Variants in CPM observed in about 807,000 individuals in gnomAD.
CPM encodes the protein renal carboxypeptidase.
In CPM, 35 loss-of-function variants were observed where a neutral mutation model predicts 46.4. The observed-to-expected ratio is 0.75, with a 90% confidence interval of 0.58 to 1.00. The LOEUF is 1.00. Among genes scored for constraint, CPM ranks in the 50% least tolerant of loss-of-function variants. CPM has a pLI of 0.00. For missense variants in CPM, 422 were observed against 530.4 expected (o/e 0.80, Z 2.01); for synonymous variants, 195 against 195.3 (o/e 1.00, Z 0.01).
At chr12:68,935,349 C>T (rs138226317), upstream of CPM, among the ~76,000 whole-genome samples, 198 of 152,288 alleles carry the variant, frequency 1.3e-3, 3 homozygotes, top group East Asian at 0.036. Context: ...CAGCCTCTGC[C>T]TTCCAGGTTC....
chr12:68,857,354 G>A (rs1885023769), intron 8 of CPM, among the ~76,000 whole-genome samples: 1 of 151,748 alleles, frequency 6.6e-6, no homozygotes, highest in South Asian at 2.1e-4. Flanking sequence ...TAGAGACAGG[G>A]TTTCACCACA....
downstream of CPM, chr12:68,849,945 A>G (rs1238086517): frequency 6.6e-6 from 1 of 152,206 alleles, no homozygotes; most frequent in African/African-American, 2.4e-5. Context: ...CCACTCCAAG[A>G]GAGCAGAGAA....
intron 1 of CPM, among the ~76,000 whole-genome samples, chr12:68,954,005 A>G (rs1888975341): frequency 6.6e-6 from 1 of 152,158 alleles, no homozygotes; most frequent in Admixed American, 6.5e-5. Context: ...TATTTTTGTT[A>G]GGCTTTTTTT....
rs1240236516 is a variant in CPM at position 68,878,889 on chromosome 12, A to T, written c.258+6903T>A. Among the ~76,000 whole-genome samples, 6 of 152,352 alleles carry T rather than the reference A, an allele frequency of 3.9e-5. No homozygotes were observed. In the East Asian group the frequency reaches 9.7e-4, roughly 25 times the overall value. On this transcript the variant is annotated intron_variant, in intron 3 of 8. Transcript: ENST00000551568. ...TTCCTACCCCCCATCTCCCCAAAAA[A>T]GCAGAATTGCAATTTAGGCTGGGCG...
At chr12:68,870,157 A>G in intron 5 of CPM, 58 bp downstream of exon 5, 1 of 1,530,688 alleles carries the variant, frequency 6.5e-7, no homozygotes, top group East Asian at 2.3e-5. Flanking sequence ...CCAGAGGCAG[A>G]GAGTTTTCAG....
At chr12:68,914,877 A>G (rs1284810135) in intron 2 of CPM, among the ~76,000 whole-genome samples, 2 of 152,156 alleles carry the variant, frequency 1.3e-5, no homozygotes, top group Non-Finnish European at 2.9e-5. Context: ...AAGTAGTCTC[A>G]GGCAAGTCAC....
downstream of CPM, chr12:68,848,646 A>G (rs572537614): frequency 6.6e-6 from 1 of 152,314 alleles, no homozygotes; most frequent in African/African-American, 2.4e-5. Flanking sequence ...GGCCTTTTCT[A>G]CCTTTTCTCA....
intron 2 of CPM, among the ~76,000 whole-genome samples, chr12:68,917,094 T>A (rs766065800): frequency 8.5e-5 from 13 of 152,066 alleles, no homozygotes; most frequent in Non-Finnish European, 1.5e-4. Context: ...TACCCCACAC[T>A]CACCTTCTCC....
At chr12:68,875,208 G>A (rs574751634) in intron 3 of CPM, among the ~76,000 whole-genome samples, 4 of 151,912 alleles carry the variant, frequency 2.6e-5, no homozygotes, top group East Asian at 1.9e-4. Flanking sequence ...AAAATTAGCC[G>A]GGCATGGTGG....
chr12:68,871,337 T>TGTGCTTGCTTC (rs1885684356), intron 4 of CPM, among the ~76,000 whole-genome samples: 1 of 152,014 alleles, frequency 6.6e-6, no homozygotes, highest in Non-Finnish European at 1.5e-5. Flanking sequence ...AGCAAGAAAT[T>TGTGCTTGCTTC]AGATATTAAA....
intron 6 of CPM, among the ~76,000 whole-genome samples, chr12:68,868,261 T>C (rs1885543045): frequency 6.6e-6 from 1 of 152,042 alleles, no homozygotes; most frequent in African/African-American, 2.4e-5. Flanking sequence ...AGAGAGAGGT[T>C]TGGAATGCTG....
intron 6 of CPM, 112 bp from the exon 7 acceptor site, chr12:68,867,160 G>C: frequency 9.5e-7 from 1 of 1,051,528 alleles, no homozygotes; most frequent in Non-Finnish European, 1.4e-6. Flanking sequence ...AGGAAAAAAT[G>C]AATTTGACAT....
At chr12:68,938,830 C>G (rs1353290370) in intron 1 of CPM, among the ~76,000 whole-genome samples, 4 of 149,956 alleles carry the variant, frequency 2.7e-5, no homozygotes, top group African/African-American at 9.8e-5. Context: ...ACACGTATAT[C>G]TATATGTGTA....
At chr12:68,958,300 TC>T (rs1051811866) in intron 1 of CPM, among the ~76,000 whole-genome samples, 4 of 152,212 alleles carry the variant, frequency 2.6e-5, no homozygotes, top group Non-Finnish European at 5.9e-5. Context: ...TAATTTACAC[TC>T]CCACCAACAG....
At position 68,866,891 on chromosome 12, in the gene CPM, C is replaced by T. The variant is rs1592640331; in HGVS notation, c.940+5G>A. On this transcript the variant is annotated splice_donor_5th_base_variant and intron_variant, in intron 7 of 8. Transcript: ENST00000551568. ...ATAGGGAATTAATAAGAAAATTTTA[C>T]AAACCTAGGTGCACCTGCTTTATAT... 2 of 1,607,794 alleles carry T rather than the reference C, an allele frequency of 1.2e-6. No homozygotes were observed. Among genetic ancestry groups the T allele is most frequent in the East Asian group, 2.2e-5 (1 of 44,846 alleles).
chr12:68,940,720 A>G (rs553167012), intron 1 of CPM, among the ~76,000 whole-genome samples: 1 of 152,046 alleles, frequency 6.6e-6, no homozygotes, highest in African/African-American at 2.4e-5. Context: ...GCAGTTCTCA[A>G]TGAAACAACA....
intron 1 of CPM, among the ~76,000 whole-genome samples, chr12:68,941,577 A>G (rs1888762436): frequency 6.6e-6 from 1 of 151,976 alleles, no homozygotes; most frequent in African/African-American, 2.4e-5. Flanking sequence ...GAGTCTCACC[A>G]TGTTGCCCAG....
In CPM at chr12:68,855,012, A is replaced by T. The variant is rs991114176; in HGVS notation, c.*1425T>A. ...GCTGGGATTACAGGCATGCACCACC[A>T]CGCCCGACTAATTTTTTTTTTTTTT... On this transcript the variant is annotated 3_prime_UTR_variant, in exon 9 of 9. Coordinates refer to ENST00000551568, the MANE Select transcript of CPM (RefSeq NM_198320.5). 2.0e-5 allele frequency: 3 copies of T among 147,464 alleles called. No individual in the cohort carries two copies. Among genetic ancestry groups the T allele is most frequent in the African/African-American group, 7.5e-5 (3 of 40,024 alleles). 9.1% of individuals were successfully genotyped at this position (147,464 alleles called of 1,614,324 possible).
intron 2 of CPM, among the ~76,000 whole-genome samples, chr12:68,928,316 A>G (rs1257753275): frequency 1.3e-5 from 2 of 152,246 alleles, no homozygotes; most frequent in Non-Finnish European, 2.9e-5. Flanking sequence ...CTGGCTAGCC[A>G]TATGTAGAAA....
Sources: allele counts gnomAD v4.1 joint callset (sites outside exome capture counted in the v4.1 genomes callset), GRCh38; gene constraint gnomAD v4.1.1; transcripts MANE v1.5; gene names NCBI Gene and HGNC (gene_info 2026-07-23, HGNC 2026-07-21).